SPATS1: variants seen among roughly 807,000 people sequenced by gnomAD.
The protein encoded by SPATS1 is spermatogenesis-associated serine-rich protein 1.
Under a neutral mutation model 33.6 loss-of-function variants are expected in SPATS1, and 23 were observed. That is an observed-to-expected ratio of 0.68 (90% confidence interval 0.49 to 0.97). The LOEUF is 0.97. SPATS1 is among the 50% of genes least tolerant of loss of function. The pLI is 0.00. For synonymous variants in SPATS1, 131 were observed against 125.6 expected (o/e 1.04, Z -0.29); for missense variants, 327 against 361.0 (o/e 0.91, Z 0.76).
In SPATS1 at chr6:44,371,249, C is replaced by T. The variant is rs373950273; in HGVS notation, c.758+1136C>T. ...ATGAGTTCGAGGCTGCAGTGAGCTA[C>T]GATTGTGCTATGCACTCCAGCCTAG... is the stretch of plus-strand genomic sequence containing the variant. On this transcript the variant is annotated intron_variant, in intron 7 of 8. Transcript: ENST00000674044. Among the ~76,000 whole-genome samples, 18 of 150,550 alleles carry T rather than the reference C, an allele frequency of 1.2e-4. No individual in the cohort carries two copies. In the South Asian group the frequency reaches 1.9e-3, roughly 16 times the overall value.
At chr6:44,358,299 A>G (rs921749986) in intron 3 of SPATS1, among the ~76,000 whole-genome samples, 1 of 152,222 alleles carries the variant, frequency 6.6e-6, no homozygotes, top group Admixed American at 6.5e-5. Context: ...AACATTGTCC[A>G]AGGCCAGGTT....
At chr6:44,375,247 A>G (rs1789857864) in intron 7 of SPATS1, among the ~76,000 whole-genome samples, 1 of 152,136 alleles carries the variant, frequency 6.6e-6, no homozygotes, top group African/African-American at 2.4e-5. Context: ...GGTTGGGGGA[A>G]CCCACATGGG....
At chr6:44,352,914 A>G (rs1184978341) in intron 3 of SPATS1, 41 bp downstream of exon 3, 1 of 1,599,108 alleles carries the variant, frequency 6.3e-7, no homozygotes. Context: ...GGTTGGGGAG[A>G]TTCTGACCAA....
intron 3 of SPATS1, among the ~76,000 whole-genome samples, chr6:44,355,488 C>T (rs1245898755): frequency 6.6e-6 from 1 of 152,140 alleles, no homozygotes; most frequent in Non-Finnish European, 1.5e-5. Context: ...TTTTCAAGAA[C>T]ATGGTTTTCA....
In SPATS1 at chr6:44,377,180, G is replaced by A; in HGVS notation, c.*117G>A. The A allele has an allele frequency of 7.6e-7, 1 of 1,309,962 alleles. No individual in the cohort carries two copies. Among genetic ancestry groups the A allele is most frequent in the Admixed American group, 2.1e-5 (1 of 48,592 alleles). 81.1% of individuals were successfully genotyped at this position (1,309,962 alleles called of 1,614,324 possible). On this transcript the variant is annotated 3_prime_UTR_variant, in exon 9 of 9. Coordinates refer to ENST00000674044, the MANE Select transcript of SPATS1 (RefSeq NM_001372081.1). ...TGTTTGACCCTTATGAGGAAGTGTT[G>A]TGCTTTGCTTTTTTAAAACTTTATA... is the stretch of plus-strand genomic sequence containing the variant.
chr6:44,351,585 C>T (rs1159042970), intron 2 of SPATS1, among the ~76,000 whole-genome samples: 5 of 152,164 alleles, frequency 3.3e-5, no homozygotes, highest in Admixed American at 2.6e-4. Flanking sequence ...ATAATCTTTT[C>T]ATCGGACTTT....
chr6:44,364,015 A>G (rs1180196746), intron 5 of SPATS1, among the ~76,000 whole-genome samples: 1 of 152,180 alleles, frequency 6.6e-6, no homozygotes, highest in Non-Finnish European at 1.5e-5. Flanking sequence ...AAATTTTCAA[A>G]CAATAGCAAA....
At position 44,368,479 on chromosome 6, in the gene SPATS1, C is replaced by T. The variant is rs778683488; in HGVS notation, c.675C>T (p.Leu225=). 6.8e-6 allele frequency: 11 copies of T among 1,611,810 alleles called. No individual in the cohort carries two copies. The highest frequency in any genetic ancestry group is 4.4e-5 in the South Asian group (4 of 90,690). ...SKGFHKAGSM[L]PPVNFSIVPY... ...GCTTCCACAAAGCAGGATCAATGCT[C>T]CCACCAGTGAATTTTTCAATGTAAG... The change falls in exon 6 of 9, where the codon CTC becomes CTT. Residue 225 remains leucine, a synonymous_variant. Coordinates refer to ENST00000674044, the MANE Select transcript of SPATS1 (RefSeq NM_001372081.1).
chr6:44,343,300 C>A, intron 2 of SPATS1, 66 bp downstream of exon 2: 1 of 1,440,448 alleles, frequency 6.9e-7, no homozygotes, highest in Non-Finnish European at 9.5e-7. Flanking sequence ...CACCCGGGGG[C>A]GGGGGCAGGT....
chr6:44,352,703 A>T (rs539588973), intron 2 of SPATS1, 23 bp from the exon 3 acceptor site: 6 of 1,607,524 alleles, frequency 3.7e-6, no homozygotes, highest in Non-Finnish European at 5.1e-6. Context: ...ATGTAATTAA[A>T]TGGTGATATC....
chr6:44,359,520 G>A (rs1301017894), intron 3 of SPATS1, among the ~76,000 whole-genome samples: 1 of 151,996 alleles, frequency 6.6e-6, no homozygotes, highest in Non-Finnish European at 1.5e-5. Flanking sequence ...ATTTTACTTA[G>A]CATAATGTTT....
intron 5 of SPATS1, among the ~76,000 whole-genome samples, chr6:44,367,547 G>C (rs1281260234): frequency 6.6e-6 from 1 of 152,204 alleles, no homozygotes; most frequent in African/African-American, 2.4e-5. Context: ...CACGCTGATG[G>C]CTTTTCCGAG....
rs1400441307 is a variant in SPATS1, at chr6:44,378,229, G to C, written c.*1166G>C. The C allele has an allele frequency of 6.6e-6, 1 of 152,054 alleles. No individual in the cohort carries two copies. The highest frequency in any genetic ancestry group is 2.4e-5 in the African/African-American group (1 of 41,400). 9.4% of individuals were successfully genotyped at this position (152,054 alleles called of 1,614,324 possible). On this transcript the variant is annotated 3_prime_UTR_variant, in exon 9 of 9. Transcript: ENST00000674044. ...TTTGGAGGAAAAGGTGAAAACAAAA[G>C]CTGCCTCACAGGCTTTGACACAGTC...
At chr6:44,343,361 A>C (rs1282595075) in intron 2 of SPATS1, 127 bp downstream of exon 2, 8 of 1,110,086 alleles carry the variant, frequency 7.2e-6, no homozygotes, top group African/African-American at 1.5e-5. Context: ...GGCATGTAAA[A>C]AGAGCTGCTT....
At chr6:44,342,810 G>C (rs1251426419) in intron 1 of SPATS1, 42 bp downstream of exon 1, 2 of 816,736 alleles carry the variant, frequency 2.4e-6, no homozygotes, top group Admixed American at 2.2e-5. Context: ...CCTCCCCTGG[G>C]GAAGGGGGTG....
At chr6:44,372,586 C>T (rs930318321) in intron 7 of SPATS1, among the ~76,000 whole-genome samples, 5 of 152,034 alleles carry the variant, frequency 3.3e-5, no homozygotes, top group African/African-American at 9.7e-5. Context: ...CTCAGCCTCC[C>T]GAGTGGCTGG....
chr6:44,368,960 C>A (rs546351901), intron 6 of SPATS1, among the ~76,000 whole-genome samples: 1 of 149,860 alleles, frequency 6.7e-6, no homozygotes, highest in Admixed American at 6.7e-5. Context: ...GCAGTGGTGC[C>A]ATCTCAGCTC....
rs1416719330 is a variant in SPATS1 at position 44,368,460 on chromosome 6, A to G, written c.656A>G (p.His219Arg). ...YMYPEQSKGF[H>R]KAGSMLPPVN... ...TACCCAGAACAGAGTAAAGGCTTCC[A>G]CAAAGCAGGATCAATGCTCCCACCA... Residue 219 changes from histidine (H) to arginine (R), a missense_variant, in exon 6 of 9, where the codon CAC (histidine) becomes CGC (arginine). Physicochemically the swap from His to Arg is conservative, Grantham distance 29. Coordinates refer to ENST00000674044, the MANE Select transcript of SPATS1 (RefSeq NM_001372081.1). 6.2e-7 allele frequency: 1 copy of G among 1,613,444 alleles called. No individual in the cohort carries two copies. The highest frequency in any genetic ancestry group is 8.5e-7 in the Non-Finnish European group (1 of 1,179,600).
At chr6:44,362,789 G>A (rs1027741049) in intron 5 of SPATS1, among the ~76,000 whole-genome samples, 1 of 152,112 alleles carries the variant, frequency 6.6e-6, no homozygotes, top group East Asian at 1.9e-4. Flanking sequence ...TACTAAATGA[G>A]CTGGGAGAGT....
Sources: gnomAD v4.1 joint callset for allele counts (sites outside exome capture counted in the v4.1 genomes callset) on GRCh38, gnomAD v4.1.1 for gene constraint, MANE v1.5 for transcripts, NCBI Gene and HGNC (gene_info 2026-07-23, HGNC 2026-07-21) for gene names.